Variants in AKAIN1 observed in about 807,000 individuals in gnomAD.
The protein encoded by AKAIN1 is A-kinase anchor inhibitor 1.
Under a neutral mutation model 3.7 loss-of-function variants are expected in AKAIN1, and 3 were observed. The ratio of observed to expected loss-of-function variants is 0.82; its 90% CI spans 0.37 to 2.12. The LOEUF is 2.12. Among genes scored for constraint, AKAIN1 ranks in the 30% most tolerant of loss-of-function variants. The pLI is 0.06. For missense variants in AKAIN1, 82 were observed against 82.7 expected, an observed-to-expected ratio of 0.99 and a Z score of 0.03; for synonymous variants, 31 against 30.8, an observed-to-expected ratio of 1.01 and a Z score of -0.02.
intron 1 of AKAIN1, among the ~76,000 whole-genome samples, chr18:5,182,280 T>C (rs1212301085): frequency 2.6e-5 from 4 of 152,130 alleles, no homozygotes; most frequent in Admixed American, 2.6e-4. Flanking sequence ...TAACTGATGA[T>C]CCAATGTTGA....
chr18:5,148,177 G>T (rs920402424), intron 1 of AKAIN1, among the ~76,000 whole-genome samples: 1 of 152,186 alleles, frequency 6.6e-6, no homozygotes, highest in African/African-American at 2.4e-5. Flanking sequence ...TTGTAACTGA[G>T]AAACTCAAAA....
intron 1 of AKAIN1, among the ~76,000 whole-genome samples, chr18:5,165,257 A>G (rs1401389631): frequency 6.6e-6 from 1 of 151,990 alleles, no homozygotes; most frequent in Non-Finnish European, 1.5e-5. Context: ...TTTAATTAGT[A>G]GCTAATAAAA....
chr18:5,161,106 G>T (rs2071136773), intron 1 of AKAIN1, among the ~76,000 whole-genome samples: 1 of 151,972 alleles, frequency 6.6e-6, no homozygotes, highest in Non-Finnish European at 1.5e-5. Flanking sequence ...GATTTTGGCT[G>T]GGACTCCATA....
At chr18:5,153,304 C>T (rs568690483) in intron 1 of AKAIN1, among the ~76,000 whole-genome samples, 76 of 151,808 alleles carry the variant, frequency 5.0e-4, no homozygotes, top group African/African-American at 1.7e-3. Context: ...GTTATTTTGG[C>T]CAAGAAAAAG....
At chr18:5,197,510 A>AAAAAAAAAAAC (rs1462479403), upstream of AKAIN1, 84 of 1,225,774 alleles carry the variant, frequency 6.9e-5, 1 homozygote, top group Middle Eastern at 9.4e-4. This position sits in a 1 kb window ranked among gnomAD's most constrained non-coding sequence, Gnocchi z 6.9. Flanking sequence ...TTGTCAAAAA[A>AAAAAAAAAAAC]AAAAAACTCT....
intron 1 of AKAIN1, among the ~76,000 whole-genome samples, chr18:5,165,182 A>G (rs1406675810): frequency 2.0e-5 from 3 of 151,996 alleles, no homozygotes; most frequent in East Asian, 1.9e-4. Flanking sequence ...GAACCCAGAA[A>G]AACATTCTAT....
intron 1 of AKAIN1, among the ~76,000 whole-genome samples, chr18:5,191,831 T>A (rs1283225522): frequency 6.6e-6 from 1 of 152,198 alleles, no homozygotes; most frequent in African/African-American, 2.4e-5. Flanking sequence ...ATATACATAA[T>A]GAGGTATCTT....
intron 1 of AKAIN1, among the ~76,000 whole-genome samples, chr18:5,152,161 G>A (rs58325394): frequency 5.3e-5 from 8 of 152,284 alleles, no homozygotes; most frequent in Admixed American, 2.0e-4. Context: ...GTCAGGCTGC[G>A]CTCTGGCCCG....
rs115401521 is a variant in AKAIN1 at position 5,197,058 on chromosome 18, T to C, written c.-5A>G. On this transcript the variant is annotated 5_prime_UTR_variant, in exon 1 of 2. Transcript: ENST00000434239. This position sits in a 1 kb window ranked among gnomAD's most constrained non-coding sequence, Gnocchi z 6.9. ...TGTACCTGGAGCGAACACCATGATT[T>C]CTTCCAGCCGCTACGCCCCCAGATT... The C allele has an allele frequency of 0.061, 95,380 of 1,551,408 alleles. 3,320 individuals carry two copies. Among genetic ancestry groups the C allele is most frequent in the Non-Finnish European group, 0.069 (79,580 of 1,146,792 alleles).
In AKAIN1 at chr18:5,155,892, CATCGGAGGTAAGAAGATAGGGAAA is replaced by C. The variant is rs542876320; in HGVS notation, c.17-10161_17-10138del. Among the ~76,000 whole-genome samples the C allele has an allele frequency of 6.5e-4, 99 of 152,270 alleles. No individual in the cohort carries two copies. In the South Asian group the frequency reaches 0.019, roughly 29 times the overall value. ...GTGGTGGCCTCCTGGGGGACCAGGACATCGGAGGTAAGAAGATAGGGAAAATCCTTGACTCATGAGACAAGGGCT... is the reference window on the plus strand; with the variant it reads ...GTGGTGGCCTCCTGGGGGACCAGGACATCCTTGACTCATGAGACAAGGGCT... On this transcript the variant is annotated intron_variant, in intron 1 of 1. Coordinates refer to ENST00000434239, the MANE Select transcript of AKAIN1 (RefSeq NM_001145194.2).
intron 1 of AKAIN1, among the ~76,000 whole-genome samples, chr18:5,154,675 A>G (rs71358086): frequency 0.047 from 7,163 of 151,992 alleles, 253 homozygotes; most frequent in East Asian, 0.13. Context: ...GCCTTGTTCT[A>G]TCTCCTCCCT....
intron 1 of AKAIN1, among the ~76,000 whole-genome samples, chr18:5,147,824 T>G (rs577470520): frequency 6.6e-6 from 1 of 152,338 alleles, no homozygotes; most frequent in Admixed American, 6.5e-5. Context: ...CAGAGGAGTC[T>G]GGAGGCATGA....
intron 1 of AKAIN1, among the ~76,000 whole-genome samples, chr18:5,177,529 T>C (rs1403121042): frequency 6.6e-6 from 1 of 152,172 alleles, no homozygotes; most frequent in African/African-American, 2.4e-5. Context: ...TACCTATATC[T>C]ATAATTACCT....
rs2071042923 is a variant in AKAIN1 at position 5,145,423 on chromosome 18, C to T, written c.*139G>A. On this transcript the variant is annotated 3_prime_UTR_variant, in exon 2 of 2. Transcript: ENST00000434239. ...CTTTTTCAAAACAGTGCTTCTCAGCCAGGGGCTAGTGTGAATTCATTCTAC... is the reference window on the plus strand; with the variant it reads ...CTTTTTCAAAACAGTGCTTCTCAGCTAGGGGCTAGTGTGAATTCATTCTAC... 1 of 645,446 alleles carries T rather than the reference C, an allele frequency of 1.5e-6. No individual in the cohort carries two copies. Among genetic ancestry groups the T allele is most frequent in the Non-Finnish European group, 2.7e-6 (1 of 374,852 alleles). The allele number at this position is 645,446 out of a possible 1,614,324, so 40.0% of individuals were successfully genotyped here. A position where few individuals can be genotyped will look rare whatever the true frequency, so the allele number is the denominator to read the frequency against.
intron 1 of AKAIN1, among the ~76,000 whole-genome samples, chr18:5,163,389 C>T (rs2071150310): frequency 6.6e-6 from 1 of 152,042 alleles, no homozygotes; most frequent in Admixed American, 6.6e-5. Context: ...AGTATCATTT[C>T]CAGGGTTTTC....
At chr18:5,168,307 G>C (rs984451804) in intron 1 of AKAIN1, among the ~76,000 whole-genome samples, 4 of 152,088 alleles carry the variant, frequency 2.6e-5, no homozygotes, top group Admixed American at 2.6e-4. Context: ...GCCGTGGCTT[G>C]AATGTAACCT....
chr18:5,190,255 C>T (rs1329469852), intron 1 of AKAIN1, among the ~76,000 whole-genome samples: 5 of 152,108 alleles, frequency 3.3e-5, no homozygotes, highest in African/African-American at 2.4e-5. Flanking sequence ...CTTCTTAATA[C>T]TGTTATAATG....
rs2071034536 is a variant in AKAIN1 at position 5,143,906 on chromosome 18, AT to A, written c.*1655del. ...CAAACTACAAGCATTAGATTTATTT[AT>A]TTATTTTATTTGTGGCACTCCTGAA... is the stretch of plus-strand genomic sequence containing the variant. On this transcript the variant is annotated 3_prime_UTR_variant, in exon 2 of 2. Coordinates refer to ENST00000434239, the MANE Select transcript of AKAIN1 (RefSeq NM_001145194.2). 6.6e-6 allele frequency among the ~76,000 whole-genome samples: 1 copy of A among 152,162 alleles called. No homozygotes were observed. Among genetic ancestry groups the A allele is most frequent in the South Asian group, 2.1e-4 (1 of 4,828 alleles).
chr18:5,188,327 C>T (rs1160828157), intron 1 of AKAIN1, among the ~76,000 whole-genome samples: 1 of 151,968 alleles, frequency 6.6e-6, no homozygotes, highest in Non-Finnish European at 1.5e-5. Flanking sequence ...CTTGGCATTG[C>T]CCTACTGAGG....
Sources: gnomAD v4.1 joint callset for allele counts (sites outside exome capture counted in the v4.1 genomes callset) on GRCh38, gnomAD v4.1.1 for gene constraint, Gnocchi (gnomAD v3.1) non-coding constraint, MANE v1.5 for transcripts, NCBI Gene and HGNC (gene_info 2026-07-23, HGNC 2026-07-21) for gene names.